Variants in SPOCK3 observed in about 807,000 individuals in gnomAD.
SPOCK3 encodes testican-3.
In SPOCK3, 30 loss-of-function variants were observed where a neutral mutation model predicts 56.6. The observed-to-expected ratio is 0.53, with a 90% CI of 0.40 to 0.72. The LOEUF (loss-of-function observed/expected upper bound fraction) is 0.72. Among genes scored for constraint, SPOCK3 ranks in the 30% least tolerant of loss-of-function variants. The probability of loss-of-function intolerance (pLI) is 0.00; values close to 1 mark genes in which losing one functional copy is unlikely to be tolerated. For missense variants in SPOCK3, 527 were observed against 530.0 expected (o/e 0.99, Z 0.06); for synonymous variants, 196 against 183.3 (o/e 1.07, Z -0.56).
chr4:167,212,483 C>T (rs894950966), intron 2 of SPOCK3, among the ~76,000 whole-genome samples: 4 of 152,032 alleles, frequency 2.6e-5, no homozygotes, highest in African/African-American at 9.7e-5. Context: ...CCTCATGATC[C>T]ACCCGCCTCG....
intron 2 of SPOCK3, among the ~76,000 whole-genome samples, chr4:167,206,732 T>G (rs1417794655): frequency 1.3e-5 from 2 of 152,106 alleles, no homozygotes; most frequent in African/African-American, 2.4e-5. Context: ...TTTTCTTTTT[T>G]CTTTTGTTTT....
intron 4 of SPOCK3, among the ~76,000 whole-genome samples, chr4:166,967,922 G>A (rs189878449): frequency 3.3e-4 from 51 of 152,298 alleles, no homozygotes; most frequent in African/African-American, 1.2e-3. Context: ...GGGCAGTGAA[G>A]TCCAGACTGA....
At chr4:167,009,117 A>T (rs1377632966) in intron 3 of SPOCK3, among the ~76,000 whole-genome samples, 1 of 152,158 alleles carries the variant, frequency 6.6e-6, no homozygotes, top group African/African-American at 2.4e-5. Context: ...TCCTTCAATA[A>T]TGTCTGTCCC....
chr4:166,966,431 C>T (rs1364639963), intron 4 of SPOCK3, among the ~76,000 whole-genome samples: 1 of 152,098 alleles, frequency 6.6e-6, no homozygotes, highest in Non-Finnish European at 1.5e-5. Flanking sequence ...CAAGTGCTTT[C>T]CCTTCAGACA....
Position 166,735,058 on chromosome 4 carries a change from T to G in SPOCK3, c.1165A>C (p.Ser389Arg). The G allele has an allele frequency of 6.2e-7, 1 of 1,605,690 alleles. No homozygotes were observed. The highest frequency in any genetic ancestry group is 8.5e-7 in the Non-Finnish European group (1 of 1,174,468). Residue 389 changes from serine to arginine, a missense_variant, in exon 11 of 11, where the codon AGT becomes CGT. Ser to Arg is a moderately radical substitution (Grantham distance 110). Transcript: ENST00000357545. Reference sequence around the variant, plus strand: ...TCAGTCCATTCATGAAAATCGCCACTAGCAAAATCTCCGGAGATCTCAAAA... The same window carrying G: ...TCAGTCCATTCATGAAAATCGCCACGAGCAAAATCTCCGGAGATCTCAAAA... Reference protein sequence around the residue: ...IDFEISGDFASGDFHEWTDDE... With the variant: ...IDFEISGDFARGDFHEWTDDE...
intron 2 of SPOCK3, among the ~76,000 whole-genome samples, chr4:167,162,029 T>G (rs763523953): frequency 8.6e-5 from 13 of 151,846 alleles, no homozygotes; most frequent in Non-Finnish European, 1.3e-4. Context: ...ACCCTAAAAC[T>G]TAAAGTATAA....
chr4:167,220,378 C>CTTTTTTT (rs61002914), intron 2 of SPOCK3, among the ~76,000 whole-genome samples: 1 of 130,068 alleles, frequency 7.7e-6, no homozygotes, highest in Non-Finnish European at 1.6e-5. Flanking sequence ...ACTGTAAGAA[C>CTTTTTTT]TTTTTTTTTT....
At chr4:166,782,472 T>G (rs1349576902) in intron 7 of SPOCK3, among the ~76,000 whole-genome samples, 2 of 152,164 alleles carry the variant, frequency 1.3e-5, no homozygotes, top group African/African-American at 2.4e-5. Context: ...AAACTTGGCA[T>G]AATTTATATT....
chr4:167,017,308 T>G (rs1434955588), intron 3 of SPOCK3, among the ~76,000 whole-genome samples: 2 of 152,054 alleles, frequency 1.3e-5, no homozygotes, highest in African/African-American at 4.8e-5. Flanking sequence ...TGAACATATC[T>G]TAATAACCTT....
At chr4:166,998,606 GAGTGTGTCTCTGCCAC>G (rs1282046322) in intron 4 of SPOCK3, among the ~76,000 whole-genome samples, 2 of 152,114 alleles carry the variant, frequency 1.3e-5, no homozygotes, top group East Asian at 3.9e-4. Context: ...GTGTCAAAAC[GAGTGTGTCTCTGCCAC>G]AGACATGATA....
intron 2 of SPOCK3, among the ~76,000 whole-genome samples, chr4:167,082,771 G>A (rs1185263643): frequency 7.2e-6 from 1 of 138,610 alleles, no homozygotes; most frequent in Non-Finnish European, 1.6e-5. Flanking sequence ...AGGGAGGGAG[G>A]GAGGGAGGGA....
At chr4:166,841,773 T>C (rs1316346965) in intron 6 of SPOCK3, among the ~76,000 whole-genome samples, 3 of 152,248 alleles carry the variant, frequency 2.0e-5, no homozygotes, top group Non-Finnish European at 2.9e-5. Context: ...ACAGCCTATA[T>C]GATGCCTTCT....
intron 3 of SPOCK3, among the ~76,000 whole-genome samples, chr4:167,061,554 T>C (rs1485690955): frequency 6.6e-6 from 1 of 151,950 alleles, no homozygotes; most frequent in Admixed American, 6.6e-5. Context: ...GGTTTCTCAC[T>C]CATACAGCTT....
intron 6 of SPOCK3, among the ~76,000 whole-genome samples, chr4:166,826,424 A>G (rs1745488658): frequency 6.6e-6 from 1 of 152,122 alleles, no homozygotes; most frequent in Non-Finnish European, 1.5e-5. Flanking sequence ...ATAATTTAAT[A>G]GACTGTCAAA....
chr4:167,094,581 T>C (rs568951523), intron 2 of SPOCK3, among the ~76,000 whole-genome samples: 1 of 152,118 alleles, frequency 6.6e-6, no homozygotes, highest in African/African-American at 2.4e-5. Flanking sequence ...ATATTCATAA[T>C]GTGAATTTGC....
intron 6 of SPOCK3, among the ~76,000 whole-genome samples, chr4:166,833,253 T>G (rs2126801913): frequency 6.6e-6 from 1 of 152,330 alleles, no homozygotes; most frequent in East Asian, 1.9e-4. Flanking sequence ...GATGTTTGTT[T>G]AATGATCCAG....
intron 4 of SPOCK3, among the ~76,000 whole-genome samples, chr4:166,971,290 G>A (rs556373301): frequency 6.6e-6 from 1 of 152,164 alleles, no homozygotes; most frequent in African/African-American, 2.4e-5. Context: ...GTTCCAATGT[G>A]TCACATATAT....
chr4:167,175,968 C>T (rs1730947829), intron 2 of SPOCK3, among the ~76,000 whole-genome samples: 1 of 152,084 alleles, frequency 6.6e-6, no homozygotes. Context: ...CATCTATTTC[C>T]AGAAGTCAGA....
chr4:167,018,878 C>T (rs1750903508), intron 3 of SPOCK3, among the ~76,000 whole-genome samples: 1 of 151,922 alleles, frequency 6.6e-6, no homozygotes, highest in African/African-American at 2.4e-5. Context: ...CTCAATTTTG[C>T]CCTGCTACAA....
Sources: allele counts gnomAD v4.1 joint callset (sites outside exome capture counted in the v4.1 genomes callset), GRCh38; gene constraint gnomAD v4.1.1; transcripts MANE v1.5; gene names NCBI Gene and HGNC (gene_info 2026-07-23, HGNC 2026-07-21).